The following CCDC40 variants were observed in gnomAD, a reference collection of about 807,000 sequenced individuals.
CCDC40 encodes the protein coiled-coil domain 40 molecular ruler complex subunit.
A neutral mutation model predicts 124.5 loss-of-function variants in CCDC40; 104 were observed. That is an observed-to-expected ratio of 0.84 (90% CI 0.71 to 0.98). The LOEUF (loss-of-function observed/expected upper bound fraction) is 0.98. Ranked by LOEUF, CCDC40 falls within the 50% of genes least tolerant of loss-of-function variation. CCDC40 has a pLI of 0.00. For synonymous variants in CCDC40, 580 were observed against 602.9 expected (o/e 0.96, Z 0.56); for missense variants, 1,463 against 1,503.9 (o/e 0.97, Z 0.45).
chr17:80,048,574 T>TCG lies in CCDC40; in HGVS notation c.677-8_677-7insGC. 6.2e-7 allele frequency: 1 copy of TCG among 1,609,294 alleles called. No individual in the cohort carries two copies. The highest frequency in any genetic ancestry group is 8.5e-7 in the Non-Finnish European group (1 of 1,176,630). On this transcript the variant is annotated splice_polypyrimidine_tract_variant and intron_variant, in intron 4 of 19. Transcript: ENST00000397545. The stretch of plus-strand genomic sequence containing the variant: ...AGCTCCTCAATGGTGTCGCTGTCTC[T>TCG]CCCCCCAGTGATCCCCCCAGGGGTG...
rs548628931 is a variant in CCDC40 at position 80,056,897 on chromosome 17, C to T, written c.1160-1597C>T. Among the ~76,000 whole-genome samples, 9 of 151,428 alleles carry T rather than the reference C, an allele frequency of 5.9e-5. No individual in the cohort carries two copies. The South Asian group carries it at 1.9e-3, about 32-fold the overall frequency. ...TACTAAAAAAAAAAATACAATTACT[C>T]GGGCGTGGTGGCGGGCACCTGTGGT... On this transcript the variant is annotated intron_variant, in intron 7 of 19. Transcript: ENST00000397545.
At chr17:80,095,522 C>A in intron 18 of CCDC40, 71 bp downstream of exon 18, 1 of 1,481,432 alleles carries the variant, frequency 6.8e-7, no homozygotes. Context: ...TCCAGGAAGG[C>A]GTCTTGCTGG....
intron 19 of CCDC40, 101 bp from the exon 20 acceptor site, chr17:80,099,426 C>A: frequency 7.1e-7 from 1 of 1,403,584 alleles, no homozygotes; most frequent in Non-Finnish European, 1.0e-6. Flanking sequence ...GTAGGTCTCG[C>A]CTCCTCTTCG....
chr17:80,076,956 G>A (rs1310850312), intron 10 of CCDC40, among the ~76,000 whole-genome samples: 2 of 151,918 alleles, frequency 1.3e-5, no homozygotes, highest in African/African-American at 2.4e-5. Flanking sequence ...GGCTGGTCTC[G>A]AATTTCTGAC....
At chr17:80,080,052 C>T (rs2038410779) in intron 10 of CCDC40, among the ~76,000 whole-genome samples, 2 of 151,750 alleles carry the variant, frequency 1.3e-5, no homozygotes, top group Admixed American at 6.6e-5. Context: ...ATGGTGAAAC[C>T]CCATCTCTAC....
chr17:80,058,550 A>T lies in CCDC40; in HGVS notation c.1216A>T (p.Asn406Tyr). The T allele has an allele frequency of 6.2e-7, 1 of 1,614,072 alleles. No individual in the cohort carries two copies. The highest frequency in any genetic ancestry group is 8.5e-7 in the Non-Finnish European group (1 of 1,179,930). The change falls in exon 8 of 20, where the codon AAC (asparagine) becomes TAC (tyrosine). Residue 406 changes from asparagine to tyrosine, a missense_variant. By Grantham distance (143) the Asn-to-Tyr change is moderately radical (BLOSUM62 -2). Transcript: ENST00000397545. The surrounding 1 kb of genome is among the most constrained non-coding windows in gnomAD (Gnocchi z 4.2). Reference sequence around the variant, plus strand: ...GGCCCTGCATCTCTTCTACATGCAGAACATCGACCAGGACATGCGTGACGA... The same window carrying T: ...GGCCCTGCATCTCTTCTACATGCAGTACATCGACCAGGACATGCGTGACGA... ...NLALHLFYMQ[N>Y]IDQDMRDDIR...
chr17:80,037,810 C>T, intron 1 of CCDC40: 1 of 328,620 alleles, frequency 3.0e-6, no homozygotes, highest in South Asian at 2.6e-5. Context: ...TTTCTTTTCC[C>T]CAGTTTTGTC....
rs1239202925 is a variant in CCDC40, at chr17:80,087,200, G to T, written c.2450-407G>T. 7.1e-6 allele frequency: 2 copies of T among 281,148 alleles called. No homozygotes were observed. Among genetic ancestry groups the T allele is most frequent in the African/African-American group, 2.2e-5 (1 of 46,396 alleles). 17.4% of individuals were successfully genotyped at this position (281,148 alleles called of 1,614,324 possible). A position where few individuals can be genotyped will look rare whatever the true frequency, so the allele number is the denominator to read the frequency against. ...TGCCCCTACCCCTGAGCTTGGCTGG[G>T]GCAGGGCAGGGGTCTAAGGGCCTCC... On this transcript the variant is annotated intron_variant, in intron 14 of 19. Coordinates refer to ENST00000397545, the MANE Select transcript of CCDC40 (RefSeq NM_017950.4). The surrounding 1 kb of genome is among the most constrained non-coding windows in gnomAD (Gnocchi z 4.5).
chr17:80,079,592 A>C (rs2038398823), intron 10 of CCDC40, among the ~76,000 whole-genome samples: 1 of 152,060 alleles, frequency 6.6e-6, no homozygotes, highest in South Asian at 2.1e-4. Context: ...TTCTGATCTC[A>C]TCAGTGGATC....
chr17:80,067,345 A>G (rs929893565), intron 10 of CCDC40: 21 of 591,368 alleles, frequency 3.6e-5, no homozygotes, highest in Non-Finnish European at 5.1e-5. Context: ...CCCCCTCCCA[A>G]GACAAGCAAA....
At chr17:80,070,369 A>G (rs2038157993) in intron 10 of CCDC40, among the ~76,000 whole-genome samples, 1 of 152,234 alleles carries the variant, frequency 6.6e-6, no homozygotes, top group Admixed American at 6.5e-5. Context: ...CTGAGGCAAG[A>G]GGATCCCTTA....
chr17:80,095,969 G>C (rs2038803714), intron 18 of CCDC40, among the ~76,000 whole-genome samples: 2 of 152,248 alleles, frequency 1.3e-5, no homozygotes, highest in South Asian at 4.1e-4. Context: ...CACTGGGCCT[G>C]CACTGGGAGG....
chr17:80,058,458 A>ACT lies in CCDC40; in HGVS notation c.1160-25_1160-24dup. On this transcript the variant is annotated intron_variant, in intron 7 of 19. Transcript: ENST00000397545. The surrounding 1 kb of genome is among the most constrained non-coding windows in gnomAD (Gnocchi z 4.2). ...GGACGCTGGGACAGCCTCCCCACTC[A>ACT]CTCTCTCTCTCTTTCTCCCCCGCCG... The ACT allele has an allele frequency of 5.0e-6, 8 of 1,591,010 alleles. No individual in the cohort carries two copies. In the African/African-American group the frequency reaches 6.7e-5, roughly 13 times the overall value.
In CCDC40 at chr17:80,086,089, G is replaced by A. The variant is rs1327058477; in HGVS notation, c.2322G>A (p.Gln774=). ...ACGATGGCAAGGCGGTCCAGGCCCA[G>A]GTGACCTGGCTGCGCCTGCAGCAGG... The part of the protein sequence containing the change: ...DEHDGKAVQA[Q]VTWLRLQQEM... The change falls in exon 14 of 20, where the codon CAG becomes CAA. Residue 774 remains glutamine (Q), a synonymous_variant. Transcript: ENST00000397545. This position sits in a 1 kb window ranked among gnomAD's most constrained non-coding sequence, Gnocchi z 5.5. 5.6e-6 allele frequency: 9 copies of A among 1,614,074 alleles called. No individual in the cohort carries two copies. Among genetic ancestry groups the A allele is most frequent in the African/African-American group, 1.3e-5 (1 of 74,942 alleles).
chr17:80,072,074 G>A (rs538285303), intron 10 of CCDC40, among the ~76,000 whole-genome samples: 57 of 152,042 alleles, frequency 3.7e-4, no homozygotes, highest in African/African-American at 1.3e-3. Flanking sequence ...CCTGGCCTCA[G>A]GTGATCTGCC....
At position 80,058,333 on chromosome 17, in the gene CCDC40, G is replaced by A. The variant is rs1286222662; in HGVS notation, c.1160-161G>A. On this transcript the variant is annotated intron_variant, in intron 7 of 19. Coordinates refer to ENST00000397545, the MANE Select transcript of CCDC40 (RefSeq NM_017950.4). The surrounding 1 kb of genome is among the most constrained non-coding windows in gnomAD (Gnocchi z 4.2). ...TAAACTCTTTGCTGACAAAGTCTGTGTCTTGATAGTTTAAAAGCAGTTTCC... is the reference window on the plus strand; with the variant it reads ...TAAACTCTTTGCTGACAAAGTCTGTATCTTGATAGTTTAAAAGCAGTTTCC... 6.6e-6 allele frequency among the ~76,000 whole-genome samples: 1 copy of A among 152,212 alleles called. No homozygotes were observed. Among genetic ancestry groups the A allele is most frequent in the African/African-American group, 2.4e-5 (1 of 41,458 alleles).
intron 7 of CCDC40, among the ~76,000 whole-genome samples, chr17:80,054,165 T>A (rs557336360): frequency 3.9e-5 from 6 of 152,252 alleles, no homozygotes; most frequent in Admixed American, 6.5e-5. Context: ...GCTTTTTTTT[T>A]AAATGACCAA....
At position 80,087,492 on chromosome 17, in the gene CCDC40, T is replaced by A; in HGVS notation, c.2450-115T>A. The A allele has an allele frequency of 1.3e-6, 1 of 775,530 alleles. No individual in the cohort carries two copies. The highest frequency in any genetic ancestry group is 2.7e-5 in the East Asian group (1 of 37,570). The allele number at this position is 775,530 out of a possible 1,614,324, so 48.0% of individuals were successfully genotyped here. A position where few individuals can be genotyped will look rare whatever the true frequency, so the allele number is the denominator to read the frequency against. ...GCCAGGAACGACAAGAGGGAGGGGA[T>A]GAAGGGAGCTACAGGGAGAGACAAA... is the stretch of plus-strand genomic sequence containing the variant. On this transcript the variant is annotated intron_variant, in intron 14 of 19. Coordinates refer to ENST00000397545, the MANE Select transcript of CCDC40 (RefSeq NM_017950.4). The surrounding 1 kb of genome is among the most constrained non-coding windows in gnomAD (Gnocchi z 4.5).
intron 10 of CCDC40, among the ~76,000 whole-genome samples, chr17:80,069,007 C>T (rs79719031): frequency 0.015 from 2,247 of 152,288 alleles, 56 homozygotes; most frequent in African/African-American, 0.052. Context: ...TCCACATGGG[C>T]GGGAGGTGTC....
Sources: gnomAD v4.1 joint callset for allele counts (sites outside exome capture counted in the v4.1 genomes callset) on GRCh38, gnomAD v4.1.1 for gene constraint, Gnocchi (gnomAD v3.1) non-coding constraint, MANE v1.5 for transcripts, NCBI Gene and HGNC (gene_info 2026-07-23, HGNC 2026-07-21) for gene names.